SLC44A5: variants seen among roughly 807,000 people sequenced by gnomAD.
SLC44A5 encodes the protein solute carrier family 44 member 5, also known as choline transporter-like protein 5.
In SLC44A5, 57 loss-of-function variants were observed where a neutral mutation model predicts 101.8. That is an observed-to-expected ratio of 0.56 (90% confidence interval 0.45 to 0.70). The LOEUF is 0.70. Ranked by LOEUF, SLC44A5 falls within the 30% of genes least tolerant of loss-of-function variation. The pLI is 0.00. For synonymous variants in SLC44A5, 281 were observed against 290.9 expected (o/e 0.97, Z 0.35); for missense variants, 737 against 853.1 (o/e 0.86, Z 1.70).
At position 75,259,323 on chromosome 1, in the gene SLC44A5, A is replaced by G. The variant is rs772368945; in HGVS notation, c.261-8029T>C. Among the ~76,000 whole-genome samples, 68 of 152,306 alleles carry G rather than the reference A, an allele frequency of 4.5e-4. 1 individual carries two copies. Among genetic ancestry groups the G allele is most frequent in the Non-Finnish European group, 3.2e-4 (22 of 68,036 alleles). On this transcript the variant is annotated intron_variant, in intron 6 of 23. Transcript: ENST00000370859. ...TTGCTAACTTTAATAACCAGTATAG[A>G]GAAGAACATAAATGACCTGATGGAG...
At chr1:75,288,664 G>A (rs958532666) in intron 5 of SLC44A5, among the ~76,000 whole-genome samples, 4 of 152,146 alleles carry the variant, frequency 2.6e-5, no homozygotes, top group African/African-American at 9.7e-5. Context: ...CCAAGTCATC[G>A]CCTTAATTTC....
intron 1 of SLC44A5, among the ~76,000 whole-genome samples, chr1:75,544,526 C>CACACACACACAA (rs199691628): frequency 1.0e-4 from 15 of 149,536 alleles, no homozygotes; most frequent in African/African-American, 3.7e-4. Context: ...CACACACACA[C>CACACACACACAA]AACAAAATAC....
In SLC44A5 at chr1:75,203,816, T is replaced by C. The variant is rs746861889; in HGVS notation, c.2065A>G (p.Asn689Asp). The change falls in exon 24 of 24, where the codon AAT becomes GAT. Residue 689 changes from asparagine to aspartate, a missense_variant. Coordinates refer to ENST00000370859, the MANE Select transcript of SLC44A5 (RefSeq NM_001130058.2). ...TAAGGTCTTGCAGTAGAACCATCAT[T>C]TCTTTCTAAATCTTCCACTAGGAGG... is the stretch of plus-strand genomic sequence containing the variant. ...FICFLEDLERNDGSTARPYYV... is the reference protein window; with the variant it reads ...FICFLEDLERDDGSTARPYYV... 25 of 1,548,694 alleles carry C rather than the reference T, an allele frequency of 1.6e-5. No homozygotes were observed. In the African/African-American group the frequency reaches 2.6e-4, roughly 16 times the overall value.
intron 3 of SLC44A5, among the ~76,000 whole-genome samples, chr1:75,346,637 G>GAATC (rs1658277778): frequency 6.6e-6 from 1 of 152,042 alleles, no homozygotes; most frequent in African/African-American, 2.4e-5. Flanking sequence ...AATAAATTCT[G>GAATC]AATCAATAGT....
At position 75,219,908 on chromosome 1, in the gene SLC44A5, T is replaced by C. The variant is rs1553142861; in HGVS notation, c.1086-16A>G. ...TCCAATGGCTCTGAAATAAAACAAA[T>C]AGTTGAAATTCAATTGTTAAAACTA... is the stretch of plus-strand genomic sequence containing the variant. On this transcript the variant is annotated splice_polypyrimidine_tract_variant and intron_variant, in intron 14 of 23. Coordinates refer to ENST00000370859, the MANE Select transcript of SLC44A5 (RefSeq NM_001130058.2). 6.6e-7 allele frequency: 1 copy of C among 1,524,306 alleles called. No homozygotes were observed. The highest frequency in any genetic ancestry group is 9.0e-7 in the Non-Finnish European group (1 of 1,107,650). 94.4% of individuals were successfully genotyped at this position (1,524,306 alleles called of 1,614,324 possible).
At chr1:75,605,234 G>T (rs1206682663) in intron 1 of SLC44A5, among the ~76,000 whole-genome samples, 1 of 136,972 alleles carries the variant, frequency 7.3e-6, no homozygotes, top group African/African-American at 2.4e-5. Flanking sequence ...TTTAAAATTG[G>T]GTTTTAAATT....
the SLC44A5 span, among the ~76,000 whole-genome samples, chr1:75,712,794 C>CT: frequency 1.5e-4 from 22 of 148,410 alleles, no homozygotes; most frequent in African/African-American, 5.4e-4. Context: ...ATTCAATCAT[C>CT]TTTTTTTCTA....
In SLC44A5 at chr1:75,350,088, C is replaced by A. The variant is rs115015157; in HGVS notation, c.53-10458G>T. Among the ~76,000 whole-genome samples the A allele has an allele frequency of 3.9e-5, 6 of 152,204 alleles. No individual in the cohort carries two copies. The East Asian group carries it at 9.7e-4, about 25-fold the overall frequency. On this transcript the variant is annotated intron_variant, in intron 3 of 23. Transcript: ENST00000370859. The stretch of plus-strand genomic sequence containing the variant: ...TATGTTGAAGTCCTACCGCGCCCCC[C>A]CCAACTCCAGCCCAACTATGATGTT...
chr1:75,226,901 A>C (rs1647209921), intron 13 of SLC44A5, among the ~76,000 whole-genome samples: 1 of 152,214 alleles, frequency 6.6e-6, no homozygotes, highest in African/African-American at 2.4e-5. Context: ...TACATTTGTT[A>C]ATATTAAAAA....
chr1:75,461,450 T>C (rs1666491588), intron 2 of SLC44A5, among the ~76,000 whole-genome samples: 1 of 152,196 alleles, frequency 6.6e-6, no homozygotes, highest in South Asian at 2.1e-4. Context: ...TTAATATTAT[T>C]ATGAGTGGTG....
intron 3 of SLC44A5, among the ~76,000 whole-genome samples, chr1:75,380,072 A>G (rs376844116): frequency 0.13 from 6,164 of 46,384 alleles, 12 homozygotes; most frequent in East Asian, 0.17. Flanking sequence ...GGCATTCCCA[A>G]TTCAGCCATT....
At chr1:75,233,852 A>T in intron 12 of SLC44A5, 134 bp downstream of exon 12, 1 of 662,588 alleles carries the variant, frequency 1.5e-6, no homozygotes, top group Non-Finnish European at 2.5e-6. Flanking sequence ...TATTTTTTCT[A>T]AGTTTAAAGC....
intron 2 of SLC44A5, among the ~76,000 whole-genome samples, chr1:75,414,667 G>A (rs1663522169): frequency 6.6e-6 from 1 of 152,190 alleles, no homozygotes; most frequent in African/African-American, 2.4e-5. Context: ...TGCAGTAAGT[G>A]TGGAAAGACA....
At chr1:75,505,869 G>A (rs1358529257) in intron 2 of SLC44A5, among the ~76,000 whole-genome samples, 1 of 151,962 alleles carries the variant, frequency 6.6e-6, no homozygotes, top group Non-Finnish European at 1.5e-5. Flanking sequence ...GGTCTCACTT[G>A]TTTTTTGTTT....
the SLC44A5 span, among the ~76,000 whole-genome samples, chr1:75,659,494 C>CAAGAAAGGA: frequency 1.5e-5 from 1 of 65,540 alleles, no homozygotes; most frequent in Non-Finnish European, 3.5e-5. Flanking sequence ...GGAAGGAAGG[C>CAAGAAAGGA]AGGCAGGCAG....
intron 3 of SLC44A5, among the ~76,000 whole-genome samples, chr1:75,345,335 C>T (rs558971935): frequency 2.2e-4 from 33 of 152,228 alleles, no homozygotes; most frequent in African/African-American, 7.7e-4. Context: ...TTTCTACCAT[C>T]TATAAGCAGT....
At chr1:75,635,188 G>A in the SLC44A5 span, among the ~76,000 whole-genome samples, 32 of 151,294 alleles carry the variant, frequency 2.1e-4, no homozygotes, top group Non-Finnish European at 4.6e-4. Flanking sequence ...TGGAGAAATA[G>A]GAACACTTTT....
At chr1:75,261,686 TAATGCCAAAACC>T (rs1346944226) in intron 6 of SLC44A5, among the ~76,000 whole-genome samples, 1 of 152,092 alleles carries the variant, frequency 6.6e-6, no homozygotes, top group East Asian at 1.9e-4. Context: ...AGCATCATCC[TAATGCCAAAACC>T]TGGCAGAGAC....
intron 2 of SLC44A5, among the ~76,000 whole-genome samples, chr1:75,475,229 G>C (rs1249034335): frequency 6.6e-6 from 1 of 152,186 alleles, no homozygotes; most frequent in African/African-American, 2.4e-5. Context: ...CCTCTTTCTA[G>C]ATGTCCTTCC....
Sources: allele counts gnomAD v4.1 joint callset (sites outside exome capture counted in the v4.1 genomes callset), GRCh38; gene constraint gnomAD v4.1.1; transcripts MANE v1.5; gene names NCBI Gene and HGNC (gene_info 2026-07-23, HGNC 2026-07-21).